Variants in DAB2IP observed in about 807,000 individuals in gnomAD.
The protein encoded by DAB2IP is DAB2 interacting protein.
In DAB2IP, 28 loss-of-function variants were observed where a neutral mutation model predicts 107.2. That is an observed-to-expected ratio of 0.26 (90% confidence interval 0.19 to 0.36). The LOEUF is 0.36. Ranked by LOEUF, DAB2IP falls within the 10% of genes least tolerant of loss-of-function variation. The probability of loss-of-function intolerance (pLI) is 1.00; values close to 1 mark genes in which losing one functional copy is unlikely to be tolerated. For missense variants in DAB2IP, 1,400 were observed against 1,644.7 expected, an observed-to-expected ratio of 0.85 and a Z score of 2.57; for synonymous variants, 755 against 706.4, an observed-to-expected ratio of 1.07 and a Z score of -1.09.
intron 1 of DAB2IP, among the ~76,000 whole-genome samples, chr9:121,610,775 C>T (rs1831065702): frequency 6.6e-6 from 1 of 152,126 alleles, no homozygotes; most frequent in Non-Finnish European, 1.5e-5. Context: ...CAGCGGTATG[C>T]AGGCTCCATG....
At chr9:121,710,953 T>C (rs1830310394) in intron 3 of DAB2IP, among the ~76,000 whole-genome samples, 1 of 152,204 alleles carries the variant, frequency 6.6e-6, no homozygotes, top group African/African-American at 2.4e-5. Flanking sequence ...CCGGAGCCCA[T>C]CCAGCCTGCC....
chr9:121,597,530 C>T (rs1423320699), intron 1 of DAB2IP, among the ~76,000 whole-genome samples: 1 of 152,204 alleles, frequency 6.6e-6, no homozygotes, highest in African/African-American at 2.4e-5. Flanking sequence ...TCCTTAGCAC[C>T]TCCTCTCTCG....
intron 5 of DAB2IP, 34 bp from the exon 6 acceptor site, chr9:121,759,851 C>T: frequency 6.3e-7 from 1 of 1,575,994 alleles, no homozygotes; most frequent in Non-Finnish European, 8.6e-7. Context: ...GTGGCACCCC[C>T]AGCTGACCAC....
At chr9:121,663,199 C>G (rs1213312245) in intron 1 of DAB2IP, among the ~76,000 whole-genome samples, 2 of 152,094 alleles carry the variant, frequency 1.3e-5, no homozygotes, top group Non-Finnish European at 2.9e-5. Context: ...AAAGGAAAAC[C>G]TGGGGACAAG....
chr9:121,691,326 C>T (rs775682126), intron 2 of DAB2IP, among the ~76,000 whole-genome samples: 5 of 151,900 alleles, frequency 3.3e-5, no homozygotes, highest in Non-Finnish European at 5.9e-5. Context: ...TGGGGACATC[C>T]GGGGAGGCCT....
chr9:121,748,732 A>G (rs1832890090), intron 3 of DAB2IP, among the ~76,000 whole-genome samples: 1 of 152,184 alleles, frequency 6.6e-6, no homozygotes, highest in African/African-American at 2.4e-5. Context: ...TCATTTAGTC[A>G]GCCTATATTG....
intron 1 of DAB2IP, among the ~76,000 whole-genome samples, chr9:121,621,984 CTTTTTTTTTTT>C (rs1202929145): frequency 2.7e-4 from 27 of 99,716 alleles, no homozygotes; most frequent in African/African-American, 9.9e-4. Context: ...TTTTTTCTTT[CTTTTTTTTTTT>C]TTTTTTTTTT....
chr9:121,599,625 C>A lies in DAB2IP; in HGVS notation c.40+32397C>A, dbSNP rs1279539386. 6.6e-6 allele frequency among the ~76,000 whole-genome samples: 1 copy of A among 152,152 alleles called. No homozygotes were observed. The highest frequency in any genetic ancestry group is 2.4e-5 in the African/African-American group (1 of 41,456). On this transcript the variant is annotated intron_variant, in intron 1 of 16. Coordinates refer to the DAB2IP transcript ENST00000259371. The surrounding 1 kb of genome is among the most constrained non-coding windows in gnomAD (Gnocchi z 6.9). Reference sequence around the variant, plus strand: ...CCTACTCCGCCCGCCCCGCTCCACTCGGCCCAGCTGGCGCGAAGGAAACTT... The same window carrying A: ...CCTACTCCGCCCGCCCCGCTCCACTAGGCCCAGCTGGCGCGAAGGAAACTT...
upstream of DAB2IP, among the ~76,000 whole-genome samples, chr9:121,650,621 C>T (rs1173198538): frequency 6.6e-6 from 1 of 152,214 alleles, no homozygotes; most frequent in Non-Finnish European, 1.5e-5. Flanking sequence ...GCCTCAGTTT[C>T]CCCCTCTGTA....
chr9:121,713,594 G>A (rs1254643667), intron 3 of DAB2IP, among the ~76,000 whole-genome samples: 1 of 152,194 alleles, frequency 6.6e-6, no homozygotes, highest in Non-Finnish European at 1.5e-5. Context: ...TGGTGCAGGG[G>A]TGAAGGAGCA....
At chr9:121,681,879 C>G (rs1003598163) in intron 2 of DAB2IP, among the ~76,000 whole-genome samples, 3 of 152,216 alleles carry the variant, frequency 2.0e-5, no homozygotes, top group African/African-American at 7.2e-5. Flanking sequence ...ACAGTAAAAT[C>G]TGGAATGACA....
At chr9:121,641,503 C>T (rs1832284375) in intron 1 of DAB2IP, among the ~76,000 whole-genome samples, 1 of 152,210 alleles carries the variant, frequency 6.6e-6, no homozygotes, top group Admixed American at 6.5e-5. Context: ...CCACCCAGGC[C>T]AACCCCATTT....
intron 1 of DAB2IP, among the ~76,000 whole-genome samples, chr9:121,673,725 C>T (rs905603547): frequency 1.3e-5 from 2 of 152,158 alleles, no homozygotes; most frequent in African/African-American, 2.4e-5. Flanking sequence ...TTAGAGCTTA[C>T]GGCAGGTGGC....
At position 121,745,068 on chromosome 9, in the gene DAB2IP, T is replaced by C. The variant is rs114647679; in HGVS notation, c.363-11945T>C. Among the ~76,000 whole-genome samples the C allele has an allele frequency of 8.8e-3, 1,334 of 152,294 alleles. 14 individuals are homozygous for C. The highest frequency in any genetic ancestry group is 0.026 in the African/African-American group (1,095 of 41,546). On this transcript the variant is annotated intron_variant, in intron 3 of 15. Transcript: ENST00000408936. ...CCAGGTGGCAGATGACAGGGCTAGCTTAGCCTGGAGTCAGCCAGTGTGGAA... is the reference window on the plus strand; with the variant it reads ...CCAGGTGGCAGATGACAGGGCTAGCCTAGCCTGGAGTCAGCCAGTGTGGAA...
chr9:121,740,813 T>C (rs1832282419), intron 3 of DAB2IP, among the ~76,000 whole-genome samples: 1 of 152,236 alleles, frequency 6.6e-6, no homozygotes, highest in Non-Finnish European at 1.5e-5. Context: ...TTAACCAGTG[T>C]TTTTACATCT....
rs375687923 is a variant in DAB2IP at position 121,635,016 on chromosome 9, A to ATGTG, written c.41-43651_41-43648dup. On this transcript the variant is annotated intron_variant, in intron 1 of 16. Transcript: ENST00000259371. This position sits in a 1 kb window ranked among gnomAD's most constrained non-coding sequence, Gnocchi z 4.3. ...CCCACCCAGCCTCAGACCTGTGTAT[A>ATGTG]TGTGTGTGTGTGTGCGCGTGCGTGT... 6.6e-6 allele frequency among the ~76,000 whole-genome samples: 1 copy of ATGTG among 151,688 alleles called. No individual in the cohort carries two copies. Among genetic ancestry groups the ATGTG allele is most frequent in the African/African-American group, 2.4e-5 (1 of 41,262 alleles).
chr9:121,671,362 T>C (rs374388849), intron 1 of DAB2IP, among the ~76,000 whole-genome samples: 3 of 152,254 alleles, frequency 2.0e-5, no homozygotes, highest in African/African-American at 7.2e-5. Context: ...CAAATTCTTA[T>C]CATTAGATTA....
intron 1 of DAB2IP, among the ~76,000 whole-genome samples, chr9:121,620,512 A>G (rs752227926): frequency 2.6e-5 from 4 of 152,212 alleles, no homozygotes; most frequent in Non-Finnish European, 5.9e-5. Context: ...TGCTAACCCC[A>G]GTAGGTTCTT....
At chr9:121,598,434 G>A (rs1830576568) in intron 1 of DAB2IP, 2 of 152,284 alleles carry the variant, frequency 1.3e-5, no homozygotes, top group Non-Finnish European at 2.9e-5. Context: ...ACCGACCACG[G>A]AGGCGGAGGC....
Sources: gnomAD v4.1 joint callset for allele counts (sites outside exome capture counted in the v4.1 genomes callset) on GRCh38, gnomAD v4.1.1 for gene constraint, Gnocchi (gnomAD v3.1) non-coding constraint, MANE v1.5 for transcripts, NCBI Gene and HGNC (gene_info 2026-07-23, HGNC 2026-07-21) for gene names.